The following TMEM108 variants were observed in gnomAD, a reference collection of about 807,000 sequenced individuals.
TMEM108 encodes the protein cancer/testis antigen 124.
In TMEM108, 12 loss-of-function variants were observed where a neutral mutation model predicts 35.1. That is an observed-to-expected ratio of 0.34 (90% CI 0.22 to 0.55). The LOEUF (loss-of-function observed/expected upper bound fraction) is 0.55, where lower values mean the gene tolerates loss of function less well. TMEM108 is among the 20% of genes least tolerant of loss of function. The pLI is 0.89. For synonymous variants in TMEM108, 287 were observed against 308.6 expected (o/e 0.93, Z 0.73); for missense variants, 680 against 753.3 (o/e 0.90, Z 1.14).
intron 3 of TMEM108, among the ~76,000 whole-genome samples, chr3:133,333,963 G>T (rs2071440501): frequency 2.0e-5 from 3 of 152,248 alleles, no homozygotes; most frequent in Admixed American, 2.0e-4. Flanking sequence ...CTTTCTCTGG[G>T]CTATGTGGAA....
chr3:133,093,801 G>T (rs554556480), intron 2 of TMEM108, among the ~76,000 whole-genome samples: 8 of 152,300 alleles, frequency 5.3e-5, no homozygotes, highest in Admixed American at 5.2e-4. Flanking sequence ...TGTTAGGTCA[G>T]TATATCTTTC....
chr3:133,302,928 C>A lies in TMEM108; in HGVS notation c.40+73577C>A, dbSNP rs1328232024. Among the ~76,000 whole-genome samples the A allele has an allele frequency of 2.6e-5, 4 of 152,212 alleles. No individual in the cohort carries two copies. In the South Asian group the frequency reaches 6.2e-4, roughly 24 times the overall value. The stretch of plus-strand genomic sequence containing the variant: ...CACTTATTTCACGCCTTGGTGAACC[C>A]TAAGTCTGAAGTTAGGTTGCAGATC... On this transcript the variant is annotated intron_variant, in intron 3 of 5. Transcript: ENST00000321871.
intron 2 of TMEM108, among the ~76,000 whole-genome samples, chr3:133,097,707 T>C (rs1944033029): frequency 6.6e-6 from 1 of 152,238 alleles, no homozygotes; most frequent in Non-Finnish European, 1.5e-5. Flanking sequence ...TGGCTTGGTT[T>C]AATTTTTATC....
chr3:133,393,401 T>A (rs2073261801), intron 5 of TMEM108, among the ~76,000 whole-genome samples: 1 of 152,240 alleles, frequency 6.6e-6, no homozygotes, highest in Admixed American at 6.5e-5. Context: ...GCAGGAGCAT[T>A]GTTTGTTGTG....
At chr3:133,378,730 T>G (rs2072915266) in intron 3 of TMEM108, among the ~76,000 whole-genome samples, 1 of 152,240 alleles carries the variant, frequency 6.6e-6, no homozygotes. Flanking sequence ...AGAAATGTTT[T>G]TAAACATATA....
At chr3:133,237,774 C>G (rs1946259206) in intron 3 of TMEM108, among the ~76,000 whole-genome samples, 2 of 152,058 alleles carry the variant, frequency 1.3e-5, no homozygotes, top group Non-Finnish European at 2.9e-5. Flanking sequence ...TAAAACAATG[C>G]CATCCTTCTA....
intron 2 of TMEM108, among the ~76,000 whole-genome samples, chr3:133,052,223 A>G (rs1194845392): frequency 6.6e-6 from 1 of 152,022 alleles, no homozygotes; most frequent in Non-Finnish European, 1.5e-5. Context: ...ATACCTAAGT[A>G]TTTCATTTTT....
chr3:133,069,180 G>A (rs1413150692), intron 2 of TMEM108, among the ~76,000 whole-genome samples: 1 of 152,122 alleles, frequency 6.6e-6, no homozygotes, highest in African/African-American at 2.4e-5. Flanking sequence ...CGATGGCTCT[G>A]GTTTAGAAGA....
intron 2 of TMEM108, among the ~76,000 whole-genome samples, chr3:133,067,460 C>T (rs1245116348): frequency 6.6e-6 from 1 of 152,194 alleles, no homozygotes; most frequent in Non-Finnish European, 1.5e-5. Flanking sequence ...AGTTTTCCTT[C>T]ATAGCATCCA....
At chr3:133,183,326 A>G (rs1945374628) in intron 2 of TMEM108, among the ~76,000 whole-genome samples, 1 of 152,166 alleles carries the variant, frequency 6.6e-6, no homozygotes, top group Non-Finnish European at 1.5e-5. Flanking sequence ...TCTTATTCCT[A>G]AGGCATATGA....
chr3:133,235,285 G>C (rs1265544873), intron 3 of TMEM108, among the ~76,000 whole-genome samples: 1 of 151,956 alleles, frequency 6.6e-6, no homozygotes, highest in African/African-American at 2.4e-5. Flanking sequence ...AAAAGAGCCT[G>C]CATCACCAAG....
chr3:133,321,953 A>G (rs754889073), intron 3 of TMEM108, among the ~76,000 whole-genome samples: 1 of 152,224 alleles, frequency 6.6e-6, no homozygotes, highest in Non-Finnish European at 1.5e-5. Flanking sequence ...TGAAATCAAG[A>G]TGGAAATTAA....
intron 3 of TMEM108, among the ~76,000 whole-genome samples, chr3:133,357,563 T>A (rs748025383): frequency 6.6e-6 from 1 of 152,176 alleles, no homozygotes; most frequent in Non-Finnish European, 1.5e-5. Context: ...AAAGAAAATG[T>A]GGTATACATA....
intron 3 of TMEM108, among the ~76,000 whole-genome samples, chr3:133,323,537 A>G (rs2071292469): frequency 6.6e-6 from 1 of 152,184 alleles, no homozygotes; most frequent in African/African-American, 2.4e-5. Flanking sequence ...GACACCAACA[A>G]ATGAAAACAC....
intron 1 of TMEM108, among the ~76,000 whole-genome samples, chr3:133,044,961 C>CTTTTTTT (rs11444221): frequency 1.4e-5 from 2 of 142,826 alleles, no homozygotes. Context: ...TGAAGTGCTG[C>CTTTTTTT]TTTTTTTTTT....
intron 2 of TMEM108, chr3:133,125,236 ATTATAGTTT>A (rs899771772): frequency 6.6e-6 from 1 of 152,162 alleles, no homozygotes; most frequent in African/African-American, 2.4e-5. Context: ...CTGTTCATGA[ATTATAGTTT>A]TTATCGAGTT....
chr3:133,061,589 G>A (rs1026246665), intron 2 of TMEM108, among the ~76,000 whole-genome samples: 11 of 152,132 alleles, frequency 7.2e-5, no homozygotes, highest in Non-Finnish European at 1.5e-4. Context: ...TTGCAGCATC[G>A]TCTAATTAAG....
chr3:133,285,601 A>G (rs748940721), intron 3 of TMEM108, among the ~76,000 whole-genome samples: 17 of 152,238 alleles, frequency 1.1e-4, no homozygotes, highest in Non-Finnish European at 2.1e-4. Flanking sequence ...GCTAAAAGCT[A>G]TAGCCCCTAG....
At chr3:133,107,130 G>A (rs557744434) in intron 2 of TMEM108, among the ~76,000 whole-genome samples, 4 of 152,274 alleles carry the variant, frequency 2.6e-5, no homozygotes, top group Non-Finnish European at 5.9e-5. Context: ...TGGAAAAATA[G>A]GCTATTGGAG....
Sources: gnomAD v4.1 joint callset for allele counts (sites outside exome capture counted in the v4.1 genomes callset) on GRCh38, gnomAD v4.1.1 for gene constraint, MANE v1.5 for transcripts, NCBI Gene and HGNC (gene_info 2026-07-23, HGNC 2026-07-21) for gene names.